Variants in LRCH1 observed in about 807,000 individuals in gnomAD.
LRCH1 encodes the protein leucine-rich repeat and calponin homology domain-containing protein 1.
LRCH1 carries 23 observed loss-of-function variants against 94.9 expected under a neutral mutation model. That is an observed-to-expected ratio of 0.24 (90% CI 0.17 to 0.34). LRCH1 has a LOEUF of 0.34. LRCH1 is among the 10% of genes least tolerant of loss of function. The pLI, the probability that LRCH1 is intolerant of heterozygous loss-of-function variation, is 1.00. For missense variants in LRCH1, 790 were observed against 945.9 expected (o/e 0.84, Z 2.16); for synonymous variants, 364 against 354.9 (o/e 1.03, Z -0.29).
intron 2 of LRCH1, among the ~76,000 whole-genome samples, chr13:46,659,243 A>G (rs574134357): frequency 6.6e-6 from 1 of 152,096 alleles, no homozygotes; most frequent in East Asian, 1.9e-4. Flanking sequence ...CCCAAGCTGG[A>G]GTGCAGTGGC....
rs866036014 is a variant in LRCH1, at chr13:46,628,484, C to T, written c.308-21717C>T. 7.9e-5 allele frequency among the ~76,000 whole-genome samples: 12 copies of T among 152,020 alleles called. 1 individual carries two copies. In the Middle Eastern group the frequency reaches 0.017, roughly 215 times the overall value. On this transcript the variant is annotated intron_variant, in intron 1 of 19. Coordinates refer to ENST00000389797, the MANE Select transcript of LRCH1 (RefSeq NM_001164211.2). ...CAGCCTGGCAACTATGGTGAAATCCCGTCTCCACTAAAAGTACAAAAAATT... is the reference window on the plus strand; with the variant it reads ...CAGCCTGGCAACTATGGTGAAATCCTGTCTCCACTAAAAGTACAAAAAATT...
In LRCH1 at chr13:46,742,070, CG is replaced by C. The variant is rs1873690657; in HGVS notation, c.*223del. On this transcript the variant is annotated 3_prime_UTR_variant, in exon 20 of 20. Transcript: ENST00000389797. ...CTCACTTACTGAAATACAACGACGA[CG>C]ACTGCAAAGTGTATGCACACCGCAT... is the stretch of plus-strand genomic sequence containing the variant. 2.9e-6 allele frequency: 4 copies of C among 1,396,884 alleles called. No individual in the cohort carries two copies. The highest frequency in any genetic ancestry group is 3.7e-6 in the Non-Finnish European group (4 of 1,076,398). The allele number at this position is 1,396,884 out of a possible 1,614,324, so 86.5% of individuals were successfully genotyped here. A position where few individuals can be genotyped will look rare whatever the true frequency, so the allele number is the denominator to read the frequency against.
At chr13:46,629,573 G>T (rs557325756) in intron 1 of LRCH1, among the ~76,000 whole-genome samples, 25 of 152,300 alleles carry the variant, frequency 1.6e-4, no homozygotes, top group African/African-American at 6.0e-4. Flanking sequence ...CATGTGATGG[G>T]TGCTCAGTGG....
At chr13:46,662,267 C>T (rs779837757) in intron 2 of LRCH1, among the ~76,000 whole-genome samples, 2 of 152,160 alleles carry the variant, frequency 1.3e-5, no homozygotes, top group African/African-American at 2.4e-5. Flanking sequence ...CTCCACTGCC[C>T]GTGTATCTTT....
At chr13:46,690,967 A>G (rs949192608) in intron 7 of LRCH1, among the ~76,000 whole-genome samples, 10 of 152,230 alleles carry the variant, frequency 6.6e-5, no homozygotes, top group African/African-American at 1.9e-4. Flanking sequence ...CTGAGAGATT[A>G]AAAACATCTT....
At position 46,663,242 on chromosome 13, in the gene LRCH1, A is replaced by G. The variant is rs140071245; in HGVS notation, c.453-5788A>G. Among the ~76,000 whole-genome samples the G allele has an allele frequency of 3.6e-3, 543 of 152,358 alleles. 8 individuals carry two copies. The highest frequency in any genetic ancestry group is 0.012 in the African/African-American group (518 of 41,588). On this transcript the variant is annotated intron_variant, in intron 2 of 19. Transcript: ENST00000389797. Reference sequence around the variant, plus strand: ...ATGTCAAATGTTATTTTTTAGCTTTACATAAGTGTAAAGATAGTCTCTATT... The same window carrying G: ...ATGTCAAATGTTATTTTTTAGCTTTGCATAAGTGTAAAGATAGTCTCTATT...
chr13:46,650,569 TAA>T (rs78561930), intron 2 of LRCH1, among the ~76,000 whole-genome samples: 9 of 150,878 alleles, frequency 6.0e-5, no homozygotes, highest in African/African-American at 2.2e-4. Context: ...GGTTTTTTTT[TAA>T]AAAAATGATT....
intron 13 of LRCH1, 195 bp downstream of exon 13, chr13:46,705,499 C>T (rs1348649212): frequency 2.8e-6 from 2 of 704,154 alleles, no homozygotes; most frequent in African/African-American, 1.7e-5. Flanking sequence ...CTATACCTCA[C>T]CCTCTGTTGA....
intron 3 of LRCH1, 108 bp downstream of exon 3, chr13:46,669,264 T>A: frequency 1.5e-6 from 2 of 1,299,930 alleles, no homozygotes; most frequent in South Asian, 2.9e-5. Flanking sequence ...AGAGCCTCTG[T>A]TGTTTGAGGG....
intron 1 of LRCH1, among the ~76,000 whole-genome samples, chr13:46,643,503 T>G (rs1295152174): frequency 6.6e-6 from 1 of 152,224 alleles, no homozygotes; most frequent in Non-Finnish European, 1.5e-5. Context: ...AGAAAAATTT[T>G]GAACATGTAC....
intron 1 of LRCH1, among the ~76,000 whole-genome samples, chr13:46,603,230 G>A (rs965711607): frequency 5.3e-5 from 8 of 152,068 alleles, no homozygotes; most frequent in African/African-American, 1.4e-4. Context: ...GAGCATGGGT[G>A]TGTCTGATCC....
At chr13:46,578,460 G>A (rs2050327782) in intron 1 of LRCH1, among the ~76,000 whole-genome samples, 1 of 152,152 alleles carries the variant, frequency 6.6e-6, no homozygotes, top group South Asian at 2.1e-4. Flanking sequence ...AAAATATGAA[G>A]GCTGGAGCCT....
chr13:46,643,072 T>C (rs2051178406), intron 1 of LRCH1, among the ~76,000 whole-genome samples: 2 of 152,254 alleles, frequency 1.3e-5, no homozygotes, highest in South Asian at 2.1e-4. Context: ...TTTATCTGCA[T>C]GTATCTCTAG....
At chr13:46,644,563 C>T (rs897001250) in intron 1 of LRCH1, among the ~76,000 whole-genome samples, 7 of 152,224 alleles carry the variant, frequency 4.6e-5, no homozygotes, top group African/African-American at 1.2e-4. Context: ...TGGGTGATGC[C>T]GATCTGGGCA....
chr13:46,705,060 C>G lies in LRCH1; in HGVS notation c.1401-8C>G. On this transcript the variant is annotated splice_region_variant and splice_polypyrimidine_tract_variant and intron_variant, in intron 11 of 19. Coordinates refer to ENST00000389797, the MANE Select transcript of LRCH1 (RefSeq NM_001164211.2). ...CGTTTACTAATATCTTTTTTTCCTA[C>G]TCTTTAGATTAAGCACAGATATTAC... 1 of 1,450,382 alleles carries G rather than the reference C, an allele frequency of 6.9e-7. No individual in the cohort carries two copies. Among genetic ancestry groups the G allele is most frequent in the South Asian group, 1.2e-5 (1 of 80,710 alleles). The allele number at this position is 1,450,382 out of a possible 1,614,324, so 89.8% of individuals were successfully genotyped here. A position where few individuals can be genotyped will look rare whatever the true frequency, so the allele number is the denominator to read the frequency against.
At chr13:46,554,548 G>T (rs1456679807) in intron 1 of LRCH1, among the ~76,000 whole-genome samples, 1 of 152,234 alleles carries the variant, frequency 6.6e-6, no homozygotes, top group Non-Finnish European at 1.5e-5. Context: ...TTTCCTGTGT[G>T]AGCCCGGCAA....
rs1167393058 is a variant in LRCH1 at position 46,743,210 on chromosome 13, C to T, written c.*1362C>T. 17 of 985,610 alleles carry T rather than the reference C, an allele frequency of 1.7e-5. No homozygotes were observed. Among genetic ancestry groups the T allele is most frequent in the South Asian group, 9.4e-5 (2 of 21,284 alleles). 61.1% of individuals were successfully genotyped at this position (985,610 alleles called of 1,614,324 possible). ...AAACAGCTCTCATAGATGGCTACTACGAAGAAAATCTTATTTTTCTGAACA... is the reference window on the plus strand; with the variant it reads ...AAACAGCTCTCATAGATGGCTACTATGAAGAAAATCTTATTTTTCTGAACA... On this transcript the variant is annotated 3_prime_UTR_variant, in exon 20 of 20. Transcript: ENST00000389797.
intron 16 of LRCH1, 116 bp downstream of exon 16, chr13:46,715,780 G>T (rs1198565585): frequency 2.9e-6 from 2 of 678,642 alleles, no homozygotes; most frequent in Non-Finnish European, 5.2e-6. Flanking sequence ...CTTGGTATGA[G>T]AAATAATGTG....
At chr13:46,741,509 C>T (rs1177599739) in intron 19 of LRCH1, 133 bp from the exon 20 acceptor site, 7 of 981,976 alleles carry the variant, frequency 7.1e-6, no homozygotes, top group Admixed American at 3.7e-5. Context: ...AAGGGTCTTA[C>T]CTGCTTGAAA....
Sources: gnomAD v4.1 joint callset for allele counts (sites outside exome capture counted in the v4.1 genomes callset) on GRCh38, gnomAD v4.1.1 for gene constraint, MANE v1.5 for transcripts, NCBI Gene and HGNC (gene_info 2026-07-23, HGNC 2026-07-21) for gene names.